The following DNAH6 variants were observed in gnomAD, a reference collection of about 807,000 sequenced individuals.
The protein encoded by DNAH6 is axonemal beta dynein heavy chain 6.
DNAH6 carries 340 observed loss-of-function variants against 491.4 expected under a neutral mutation model. The ratio of observed to expected loss-of-function variants is 0.69; its 90% CI spans 0.63 to 0.76. DNAH6 has a LOEUF of 0.76. Among genes scored for constraint, DNAH6 ranks in the 30% least tolerant of loss-of-function variants. DNAH6 has a pLI of 0.00. For missense variants in DNAH6, 4,443 were observed against 4,972.2 expected (o/e 0.89, Z 3.20); for synonymous variants, 1,603 against 1,686.1 (o/e 0.95, Z 1.21).
intron 29 of DNAH6, among the ~76,000 whole-genome samples, chr2:84,626,929 T>C (rs901027546): frequency 1.4e-4 from 21 of 152,296 alleles, no homozygotes; most frequent in African/African-American, 4.8e-4. Context: ...TTCTAACTAC[T>C]GTGTGCTGTG....
the DNAH6 span, among the ~76,000 whole-genome samples, chr2:84,492,888 C>A: frequency 6.6e-6 from 1 of 152,060 alleles, no homozygotes; most frequent in Non-Finnish European, 1.5e-5. Context: ...ACTACAAAAT[C>A]ATAACACAAG....
At chr2:84,675,974 TC>T (rs1416248854) in intron 40 of DNAH6, among the ~76,000 whole-genome samples, 2 of 152,212 alleles carry the variant, frequency 1.3e-5, no homozygotes, top group Non-Finnish European at 2.9e-5. Flanking sequence ...CCTCTGTCCT[TC>T]CCACTAAAGC....
intron 15 of DNAH6, among the ~76,000 whole-genome samples, chr2:84,586,390 G>A (rs769561299): frequency 1.1e-4 from 17 of 152,202 alleles, no homozygotes; most frequent in Admixed American, 2.6e-4. Context: ...CATCTGGAGC[G>A]GGAATGTTAT....
At chr2:84,660,690 G>C (rs1170664453) in intron 37 of DNAH6, among the ~76,000 whole-genome samples, 1 of 152,006 alleles carries the variant, frequency 6.6e-6, no homozygotes, top group Admixed American at 6.6e-5. Flanking sequence ...AGGCAAACCT[G>C]TGCCTGCTTC....
chr2:84,725,378 A>G (rs575756480), intron 60 of DNAH6, among the ~76,000 whole-genome samples: 4 of 152,298 alleles, frequency 2.6e-5, no homozygotes, highest in Admixed American at 1.3e-4. Context: ...TCTTTCAACA[A>G]GATGTTCATT....
In DNAH6 at chr2:84,543,328, A is replaced by G. The variant is rs74953193; in HGVS notation, c.663-905A>G. 6.7e-3 allele frequency among the ~76,000 whole-genome samples: 1,026 copies of G among 152,310 alleles called. 13 individuals carry two copies. The highest frequency in any genetic ancestry group is 0.023 in the African/African-American group (952 of 41,572). On this transcript the variant is annotated intron_variant, in intron 4 of 76. Transcript: ENST00000389394. ...CATGTAAGTTTTGCATAGTTTTAAC[A>G]TAGAAACAATTTAAGGCTTTGTTTT... is the stretch of plus-strand genomic sequence containing the variant.
At chr2:84,574,987 GA>G (rs1179399698) in intron 12 of DNAH6, among the ~76,000 whole-genome samples, 1 of 152,076 alleles carries the variant, frequency 6.6e-6, no homozygotes, top group Non-Finnish European at 1.5e-5. Flanking sequence ...TCCTGCCTTT[GA>G]AACCCAATCC....
chr2:84,467,964 T>G, the DNAH6 span, among the ~76,000 whole-genome samples: 1 of 152,164 alleles, frequency 6.6e-6, no homozygotes, highest in South Asian at 2.1e-4. Flanking sequence ...AATGTTTTTC[T>G]TTTATCAATA....
chr2:84,691,566 T>C (rs1166452738), intron 45 of DNAH6, among the ~76,000 whole-genome samples: 1 of 152,128 alleles, frequency 6.6e-6, no homozygotes, highest in African/African-American at 2.4e-5. Flanking sequence ...GGGGAAGAGG[T>C]TGACAAACTA....
intron 71 of DNAH6, among the ~76,000 whole-genome samples, chr2:84,806,618 CAAAAAA>C (rs1162301447): frequency 2.6e-5 from 1 of 38,504 alleles, no homozygotes; most frequent in Admixed American, 2.8e-4. Context: ...GACTCAGTCT[CAAAAAA>C]AAAAAAAAAA....
chr2:84,789,866 C>T (rs1326860291), intron 68 of DNAH6, among the ~76,000 whole-genome samples: 1 of 152,026 alleles, frequency 6.6e-6, no homozygotes, highest in East Asian at 1.9e-4. Flanking sequence ...TTCTGTGCTT[C>T]CTAATATTAA....
intron 33 of DNAH6, among the ~76,000 whole-genome samples, chr2:84,643,146 C>T (rs1287795791): frequency 6.6e-6 from 1 of 152,036 alleles, no homozygotes; most frequent in African/African-American, 2.4e-5. Context: ...TCACAGGGTA[C>T]AGAATTCTAG....
intron 36 of DNAH6, 56 bp from the exon 37 acceptor site, chr2:84,658,970 G>A: frequency 9.1e-7 from 1 of 1,100,220 alleles, no homozygotes; most frequent in Non-Finnish European, 1.3e-6. Flanking sequence ...TGCAGCTTAG[G>A]ATTCTTTTTA....
At chr2:84,789,480 G>T (rs1677539840) in intron 68 of DNAH6, among the ~76,000 whole-genome samples, 1 of 152,152 alleles carries the variant, frequency 6.6e-6, no homozygotes, top group South Asian at 2.1e-4. Context: ...ATGGAACATG[G>T]CTTTACCAGT....
At chr2:84,608,450 T>C (rs946141951) in intron 21 of DNAH6, among the ~76,000 whole-genome samples, 1 of 152,248 alleles carries the variant, frequency 6.6e-6, no homozygotes. Context: ...ATCCATGGGC[T>C]GCAGAACGGA....
At chr2:84,718,159 G>C in intron 58 of DNAH6, 45 bp from the exon 59 acceptor site, 1 of 1,428,700 alleles carries the variant, frequency 7.0e-7, no homozygotes, top group Non-Finnish European at 9.3e-7. Context: ...GCAACTTTGA[G>C]GCACTGGCAG....
At chr2:84,733,208 C>G (rs1290377103) in intron 61 of DNAH6, among the ~76,000 whole-genome samples, 1 of 152,194 alleles carries the variant, frequency 6.6e-6, no homozygotes, top group Non-Finnish European at 1.5e-5. Context: ...TTTAATTGAT[C>G]CACTTTGTTT....
intron 26 of DNAH6, among the ~76,000 whole-genome samples, chr2:84,623,143 T>C (rs1300385651): frequency 2.0e-5 from 3 of 152,182 alleles, no homozygotes; most frequent in Admixed American, 6.6e-5. Context: ...GTAAAATCCC[T>C]AGAAGAAGGC....
chr2:84,475,893 G>A, the DNAH6 span, among the ~76,000 whole-genome samples: 6 of 152,118 alleles, frequency 3.9e-5, no homozygotes, highest in Non-Finnish European at 1.5e-5. Flanking sequence ...ATGCCCATAA[G>A]CACACAGAGC....
Sources: gnomAD v4.1 joint callset for allele counts (sites outside exome capture counted in the v4.1 genomes callset) on GRCh38, gnomAD v4.1.1 for gene constraint, MANE v1.5 for transcripts, NCBI Gene and HGNC (gene_info 2026-07-23, HGNC 2026-07-21) for gene names.